Variants in CFAP54 observed in about 807,000 individuals in gnomAD.
CFAP54 encodes cilia- and flagella-associated protein 54.
Under a neutral mutation model 370.4 loss-of-function variants are expected in CFAP54, and 290 were observed. That is an observed-to-expected ratio of 0.78 (90% CI 0.71 to 0.86). The LOEUF is 0.86. Ranked by LOEUF, CFAP54 falls within the 40% of genes least tolerant of loss-of-function variation. The probability of loss-of-function intolerance (pLI) is 0.00; values close to 1 mark genes in which losing one functional copy is unlikely to be tolerated. For synonymous variants in CFAP54, 1,206 were observed against 1,236.5 expected (o/e 0.98, Z 0.52); for missense variants, 3,399 against 3,528.7 (o/e 0.96, Z 0.93).
At chr12:96,744,277 C>A (rs1357207165) in intron 55 of CFAP54, 131 bp downstream of exon 55, 2 of 811,222 alleles carry the variant, frequency 2.5e-6, no homozygotes, top group Admixed American at 3.1e-5. Context: ...ATTTATTTAA[C>A]CAATAGTTTT....
At chr12:96,692,890 C>T (rs1383994690) in intron 44 of CFAP54, among the ~76,000 whole-genome samples, 1 of 152,204 alleles carries the variant, frequency 6.6e-6, no homozygotes, top group Non-Finnish European at 1.5e-5. Context: ...ACTCCATCTT[C>T]CTTTGGCAGG....
chr12:96,697,960 C>G (rs1957453493), intron 45 of CFAP54, among the ~76,000 whole-genome samples: 2 of 152,176 alleles, frequency 1.3e-5, no homozygotes, highest in Non-Finnish European at 2.9e-5. Context: ...GCCGTATGGC[C>G]TCTACACTAA....
In CFAP54 at chr12:96,522,129, A is replaced by T; in HGVS notation, c.1098A>T (p.Arg366Ser). 1 of 1,535,784 alleles carries T rather than the reference A, an allele frequency of 6.5e-7. No individual in the cohort carries two copies. The highest frequency in any genetic ancestry group is 8.7e-7 in the Non-Finnish European group (1 of 1,146,840). Reference sequence around the variant, plus strand: ...TCAAAAGAGGAGTCTTTGAATCTAGAAGAAAAAACAAAGCTGTCTTTAGAC... The same window carrying T: ...TCAAAAGAGGAGTCTTTGAATCTAGTAGAAAAAACAAAGCTGTCTTTAGAC... The part of the protein sequence containing the change: ...MIFKRGVFES[R>S]RKNKAVFRPK... Residue 366 changes from arginine (R) to serine (S), a missense_variant, in exon 8 of 68, where the codon AGA (arginine) becomes AGT (serine). Around this residue, in one of 3 missense-constraint regions of CFAP54, gnomAD observed 559 missense variants for 576.7 expected, o/e 0.97. Transcript: ENST00000524981.
chr12:96,720,313 T>C, intron 49 of CFAP54, 92 bp from the exon 50 acceptor site: 1 of 1,137,946 alleles, frequency 8.8e-7, no homozygotes. Context: ...TCATTGTTAC[T>C]TTTCAGTACA....
chr12:96,839,170 A>G (rs735950), intron 66 of CFAP54, among the ~76,000 whole-genome samples: 63,831 of 151,960 alleles, frequency 0.42, 14,659 homozygotes, highest in African/African-American at 0.6. Context: ...TTTTCTAGTC[A>G]TATAATCTTA....
chr12:96,695,464 G>T (rs1957432011), intron 45 of CFAP54, among the ~76,000 whole-genome samples: 1 of 152,164 alleles, frequency 6.6e-6, no homozygotes, highest in Non-Finnish European at 1.5e-5. Context: ...ATTTGTTACT[G>T]ATCATGAAAA....
intron 1 of CFAP54, among the ~76,000 whole-genome samples, chr12:96,498,152 A>AG (rs1954979490): frequency 6.6e-6 from 1 of 151,676 alleles, no homozygotes; most frequent in Non-Finnish European, 1.5e-5. Flanking sequence ...AAATGAATCT[A>AG]GGGGGTCTGG....
At chr12:96,626,016 A>T (rs914769980) in intron 29 of CFAP54, among the ~76,000 whole-genome samples, 1 of 152,204 alleles carries the variant, frequency 6.6e-6, no homozygotes. Flanking sequence ...GTCTGGAAAG[A>T]CAGAATCTTG....
At chr12:96,693,185 C>G (rs1957404166) in intron 44 of CFAP54, among the ~76,000 whole-genome samples, 6 of 152,136 alleles carry the variant, frequency 3.9e-5, no homozygotes, top group Admixed American at 3.9e-4. Context: ...AGATTTTGTT[C>G]TCATTCAACG....
At chr12:96,615,364 A>G (rs952604070) in intron 26 of CFAP54, among the ~76,000 whole-genome samples, 6 of 152,366 alleles carry the variant, frequency 3.9e-5, no homozygotes, top group African/African-American at 1.4e-4. Flanking sequence ...AATTAATTCA[A>G]GATGGATTAA....
Position 96,744,054 on chromosome 12 carries a change from C to A in CFAP54, c.7592C>A (p.Ser2531Ter). The A allele has an allele frequency of 6.2e-7, 1 of 1,610,778 alleles. No individual in the cohort carries two copies. Among genetic ancestry groups the A allele is most frequent in the Non-Finnish European group, 8.5e-7 (1 of 1,178,506 alleles). Residue 2531 changes from serine to a stop codon, truncating the protein, a stop_gained, in exon 55 of 68, where the codon TCA becomes TAA. Coordinates refer to ENST00000524981, the MANE Select transcript of CFAP54 (RefSeq NM_001306084.2). LOFTEE classifies it high-confidence loss of function. ...LAFGETIEFR[S>*]SNTKYANPLQ... ...TTTGGAGAAACAATTGAATTTCGTT[C>A]ATCAAACACTAAATATGCAAATCCA... is the stretch of plus-strand genomic sequence containing the variant.
At chr12:96,490,454 C>G (rs950424529) in intron 1 of CFAP54, among the ~76,000 whole-genome samples, 1 of 152,166 alleles carries the variant, frequency 6.6e-6, no homozygotes. Flanking sequence ...TCCTTTTTCT[C>G]CATATACAAA....
At chr12:96,828,800 A>G (rs1363825871) in intron 65 of CFAP54, among the ~76,000 whole-genome samples, 2 of 152,202 alleles carry the variant, frequency 1.3e-5, no homozygotes, top group Non-Finnish European at 2.9e-5. Context: ...TAGAAAAATA[A>G]TTATTTTCAA....
Position 96,688,659 on chromosome 12 carries a change from CCGTGTGTATAATTATATA to C in CFAP54, c.6015-255_6015-238del, listed in dbSNP as rs1306067664. Among the ~76,000 whole-genome samples the C allele has an allele frequency of 1.2e-4, 19 of 152,036 alleles. No individual in the cohort carries two copies. In the East Asian group the frequency reaches 3.5e-3, roughly 28 times the overall value. The stretch of plus-strand genomic sequence containing the variant: ...TCTTAATATGTATGTATATGTTTCT[CCGTGTGTATAATTATATA>C]CAGAAAAAGTACATATAAGGAAATT... On this transcript the variant is annotated intron_variant, in intron 42 of 67. Coordinates refer to ENST00000524981, the MANE Select transcript of CFAP54 (RefSeq NM_001306084.2).
In CFAP54 at chr12:96,742,498, A is replaced by G; in HGVS notation, c.7131A>G (p.Glu2377=). Residue 2377 remains glutamate (E), a synonymous_variant, in exon 52 of 68, where the codon GAA becomes GAG. Coordinates refer to ENST00000524981, the MANE Select transcript of CFAP54 (RefSeq NM_001306084.2). ...ATCCTATTTCCCTAAATGCCCGAGAATATTTCAACATTCATCTGTGGTTGA... is the reference window on the plus strand; with the variant it reads ...ATCCTATTTCCCTAAATGCCCGAGAGTATTTCAACATTCATCTGTGGTTGA... The part of the protein sequence containing the change: ...FLDPISLNAR[E]YFNIHLWLRC... 6.2e-7 allele frequency: 1 copy of G among 1,612,022 alleles called. No homozygotes were observed. The highest frequency in any genetic ancestry group is 2.2e-5 in the East Asian group (1 of 44,826).
intron 4 of CFAP54, among the ~76,000 whole-genome samples, chr12:96,511,538 G>A (rs373370391): frequency 1.7e-4 from 26 of 152,102 alleles, no homozygotes; most frequent in Non-Finnish European, 2.9e-4. Flanking sequence ...GGCTGATCTC[G>A]AATTCCTGAC....
At chr12:96,596,658 G>C (rs1461401399) in intron 25 of CFAP54, among the ~76,000 whole-genome samples, 3 of 151,928 alleles carry the variant, frequency 2.0e-5, no homozygotes, top group Non-Finnish European at 4.4e-5. Flanking sequence ...CGGGGTTTGG[G>C]GGGAAACATT....
chr12:96,503,846 G>C (rs1359714537), intron 2 of CFAP54, 40 bp from the exon 3 acceptor site: 2 of 1,424,022 alleles, frequency 1.4e-6, no homozygotes, highest in Admixed American at 5.7e-5. Flanking sequence ...TAAGCTAAAT[G>C]ATATTTTGGA....
chr12:96,687,157 C>G (rs990116537), intron 42 of CFAP54, among the ~76,000 whole-genome samples: 13 of 152,176 alleles, frequency 8.5e-5, no homozygotes, highest in African/African-American at 2.9e-4. Context: ...CTTCACATCT[C>G]CTTCTCTGTC....
Sources: allele counts gnomAD v4.1 joint callset (sites outside exome capture counted in the v4.1 genomes callset), GRCh38; gene constraint gnomAD v4.1.1; regional missense constraint gnomAD v4.1.1; transcripts MANE v1.5; gene names NCBI Gene and HGNC (gene_info 2026-07-23, HGNC 2026-07-21).